SHISA9: variants seen among roughly 807,000 people sequenced by gnomAD.
SHISA9 encodes shisa family member 9, also known as protein shisa-9.
In SHISA9, 13 loss-of-function variants were observed where a neutral mutation model predicts 38.0. The ratio of observed to expected loss-of-function variants is 0.34; its 90% CI spans 0.22 to 0.54. The LOEUF is 0.54. Among genes scored for constraint, SHISA9 ranks in the 20% least tolerant of loss-of-function variants. SHISA9 has a pLI of 0.91. For synonymous variants in SHISA9, 275 were observed against 242.0 expected (o/e 1.14, Z -1.27); for missense variants, 538 against 575.8 (o/e 0.93, Z 0.67).
chr16:12,974,483 T>G (rs1323890350), intron 2 of SHISA9, among the ~76,000 whole-genome samples: 8 of 54,698 alleles, frequency 1.5e-4, no homozygotes, highest in African/African-American at 2.7e-4. Flanking sequence ...CTGGTGGTTT[T>G]TTTTTTTTTT....
chr16:13,455,481 T>G, the SHISA9 span, among the ~76,000 whole-genome samples: 2 of 152,212 alleles, frequency 1.3e-5, no homozygotes, highest in Non-Finnish European at 2.9e-5. Context: ...GACACAAATG[T>G]TCACATGGTG....
intron 2 of SHISA9, among the ~76,000 whole-genome samples, chr16:13,088,876 C>G (rs551215687): frequency 3.9e-5 from 6 of 152,332 alleles, no homozygotes; most frequent in Non-Finnish European, 7.3e-5. Flanking sequence ...AGAGGGCATT[C>G]TTGCCTTGTG....
chr16:13,379,533 G>GGGGCTGACAAGTGGCAAATGACAT, the SHISA9 span, among the ~76,000 whole-genome samples: 5 of 152,164 alleles, frequency 3.3e-5, no homozygotes, highest in Non-Finnish European at 7.3e-5. Flanking sequence ...GAATTCATCA[G>GGGGCTGACAAGTGGCAAATGACAT]GGGCTGACAA....
At chr16:13,283,490 G>A in the SHISA9 span, among the ~76,000 whole-genome samples, 5 of 152,078 alleles carry the variant, frequency 3.3e-5, no homozygotes, top group African/African-American at 4.8e-5. Flanking sequence ...GCAAGAAGAA[G>A]CAAGTCACAT....
At chr16:13,296,377 T>C in the SHISA9 span, among the ~76,000 whole-genome samples, 2 of 151,960 alleles carry the variant, frequency 1.3e-5, no homozygotes, top group African/African-American at 4.8e-5. Flanking sequence ...ATTTGTATTA[T>C]CTAGAGGGTT....
At chr16:13,003,930 C>G (rs2072561733) in intron 2 of SHISA9, among the ~76,000 whole-genome samples, 1 of 151,888 alleles carries the variant, frequency 6.6e-6, no homozygotes, top group Non-Finnish European at 1.5e-5. Context: ...CCATAATATT[C>G]TAGGTGACAG....
chr16:12,970,484 TA>T, intron 2 of SHISA9, among the ~76,000 whole-genome samples: 1 of 25,660 alleles, frequency 3.9e-5, no homozygotes. Context: ...TATATATATA[TA>T]TATATATATA....
intron 2 of SHISA9, among the ~76,000 whole-genome samples, chr16:13,158,847 G>A (rs570023095): frequency 2.5e-4 from 38 of 150,378 alleles, no homozygotes; most frequent in Middle Eastern, 3.4e-3. Flanking sequence ...ACGAGGTCAG[G>A]AGGGCGAGAC....
chr16:13,469,937 T>G, the SHISA9 span, among the ~76,000 whole-genome samples: 2 of 152,198 alleles, frequency 1.3e-5, no homozygotes, highest in African/African-American at 4.8e-5. Context: ...AGGAAGTGTT[T>G]GGCCACTTAT....
chr16:13,553,297 T>C, the SHISA9 span, among the ~76,000 whole-genome samples: 1 of 152,224 alleles, frequency 6.6e-6, no homozygotes, highest in South Asian at 2.1e-4. Flanking sequence ...AGATGACACA[T>C]ATTTTTCCAC....
At chr16:12,947,535 A>C (rs1419466741) in intron 2 of SHISA9, among the ~76,000 whole-genome samples, 3 of 152,242 alleles carry the variant, frequency 2.0e-5, no homozygotes, top group Admixed American at 6.5e-5. Flanking sequence ...AGGATATCTC[A>C]GTCCTCGATG....
the SHISA9 span, among the ~76,000 whole-genome samples, chr16:13,334,047 T>C: frequency 6.6e-6 from 1 of 152,218 alleles, no homozygotes; most frequent in Non-Finnish European, 1.5e-5. Context: ...TCCATGCCCA[T>C]GTCCCTAGTT....
At chr16:13,448,399 C>T in the SHISA9 span, among the ~76,000 whole-genome samples, 19 of 152,300 alleles carry the variant, frequency 1.2e-4, no homozygotes, top group African/African-American at 4.1e-4. Flanking sequence ...CTGTGCCCTA[C>T]GCTATAATAA....
chr16:13,346,092 TTC>T, the SHISA9 span, among the ~76,000 whole-genome samples: 1 of 152,154 alleles, frequency 6.6e-6, no homozygotes, highest in Non-Finnish European at 1.5e-5. Context: ...ATTAAGTAAT[TTC>T]TCATCCCTCA....
At chr16:13,067,105 T>C (rs2073444211) in intron 2 of SHISA9, among the ~76,000 whole-genome samples, 1 of 152,174 alleles carries the variant, frequency 6.6e-6, no homozygotes, top group Non-Finnish European at 1.5e-5. Flanking sequence ...GTAGAAACAC[T>C]ATATGGAGAA....
Position 12,902,059 on chromosome 16 carries a change from G to A in SHISA9, c.-6G>A. 2 of 1,480,400 alleles carry A rather than the reference G, an allele frequency of 1.4e-6. No individual in the cohort carries two copies. Among genetic ancestry groups the A allele is most frequent in the Non-Finnish European group, 1.8e-6 (2 of 1,123,940 alleles). The allele number at this position is 1,480,400 out of a possible 1,614,324, so 91.7% of individuals were successfully genotyped here. A position where few individuals can be genotyped will look rare whatever the true frequency, so the allele number is the denominator to read the frequency against. The stretch of plus-strand genomic sequence containing the variant: ...CCGAGCGGCCGAGCCCGGGCTGGGA[G>A]ACACCATGCGCCGCGTCCTTCGGCT... On this transcript the variant is annotated 5_prime_UTR_variant, in exon 1 of 5. Transcript: ENST00000558583.
intron 2 of SHISA9, among the ~76,000 whole-genome samples, chr16:12,918,424 T>C (rs1158333176): frequency 6.6e-6 from 1 of 152,196 alleles, no homozygotes; most frequent in Non-Finnish European, 1.5e-5. Flanking sequence ...GGATTTTCCC[T>C]TGAAGTTCCA....
At chr16:13,512,030 C>G in the SHISA9 span, among the ~76,000 whole-genome samples, 5 of 152,074 alleles carry the variant, frequency 3.3e-5, no homozygotes, top group Admixed American at 2.6e-4. Flanking sequence ...AAGGGAACTG[C>G]CTGGAGAGTG....
the SHISA9 span, among the ~76,000 whole-genome samples, chr16:13,368,323 A>T: frequency 6.6e-6 from 1 of 152,150 alleles, no homozygotes; most frequent in Non-Finnish European, 1.5e-5. Flanking sequence ...GTAGTCTCTT[A>T]CTTCTCCACG....
Sources: gnomAD v4.1 joint callset for allele counts (sites outside exome capture counted in the v4.1 genomes callset) on GRCh38, gnomAD v4.1.1 for gene constraint, MANE v1.5 for transcripts, NCBI Gene and HGNC (gene_info 2026-07-23, HGNC 2026-07-21) for gene names.